Variants in SERF2 observed in about 807,000 individuals in gnomAD.
SERF2 encodes the protein small EDRK-rich factor 2.
In SERF2, 4 loss-of-function variants were observed where a neutral mutation model predicts 10.7. The observed-to-expected ratio is 0.37, with a 90% CI of 0.18 to 0.86. The LOEUF is 0.86. SERF2 is among the 40% of genes least tolerant of loss of function. The pLI is 0.43. For missense variants in SERF2, 47 were observed against 79.1 expected, an observed-to-expected ratio of 0.59 and a Z score of 1.54; for synonymous variants, 26 against 26.0, an observed-to-expected ratio of 1.00 and a Z score of 0.01.
At chr15:43,792,623 G>T in intron 1 of SERF2, 1 of 1,427,982 alleles carries the variant, frequency 7.0e-7, no homozygotes, top group East Asian at 2.5e-5. Context: ...TAAGGAGAAG[G>T]CCAGCGCCCC....
intron 1 of SERF2, 136 bp downstream of exon 1, chr15:43,792,519 A>C: frequency 1.3e-6 from 2 of 1,539,564 alleles, no homozygotes; most frequent in Non-Finnish European, 1.8e-6. Context: ...CCACCCTCAC[A>C]CTCGGTGCCC....
Position 43,796,073 on chromosome 15 carries a change from C to T in SERF2, c.*2300C>T, listed in dbSNP as rs1244027935. 9.9e-7 allele frequency: 1 copy of T among 1,011,406 alleles called. No homozygotes were observed. Among genetic ancestry groups the T allele is most frequent in the East Asian group, 2.4e-5 (1 of 42,170 alleles). 62.7% of individuals were successfully genotyped at this position (1,011,406 alleles called of 1,614,324 possible). On this transcript the variant is annotated 3_prime_UTR_variant, in exon 3 of 3. Transcript: ENST00000249786. ...TAACAGCAGCTATAATCTGAGCATT[C>T]TGGGTAGAGGTTGGTAGGATGTGTG... is the stretch of plus-strand genomic sequence containing the variant.
At chr15:43,788,808 G>A (rs2087028588), upstream of SERF2, among the ~76,000 whole-genome samples, 1 of 152,138 alleles carries the variant, frequency 6.6e-6, no homozygotes, top group Non-Finnish European at 1.5e-5. Flanking sequence ...AAATCAGTAG[G>A]AGGGGGATAA....
chr15:43,785,704 C>CTTT (rs71415810), intron 2 of SERF2, among the ~76,000 whole-genome samples: 18 of 122,676 alleles, frequency 1.5e-4, no homozygotes, highest in African/African-American at 2.2e-4. Flanking sequence ...TTTTCTTTTT[C>CTTT]TTTTTTTTTT....
At position 43,794,993 on chromosome 15, in the gene SERF2, A is replaced by G. The variant is rs1389853821; in HGVS notation, c.*1220A>G. On this transcript the variant is annotated 3_prime_UTR_variant, in exon 3 of 3. Transcript: ENST00000249786. The stretch of plus-strand genomic sequence containing the variant: ...ATGTCAGGGGAACCCCAGTTTGTGA[A>G]AAGGACTTAGACTGGAGGATATTTG... 1 of 1,601,432 alleles carries G rather than the reference A, an allele frequency of 6.2e-7. No individual in the cohort carries two copies. Among genetic ancestry groups the G allele is most frequent in the South Asian group, 1.1e-5 (1 of 90,490 alleles).
intron 1 of SERF2, among the ~76,000 whole-genome samples, chr15:43,783,503 T>C (rs898414579): frequency 6.6e-6 from 1 of 150,928 alleles, no homozygotes; most frequent in African/African-American, 2.4e-5. Flanking sequence ...GGCTTCATTA[T>C]GTTGGCTAGG....
chr15:43,789,845 T>TA (rs903339962), upstream of SERF2, among the ~76,000 whole-genome samples: 15 of 149,936 alleles, frequency 1.0e-4, no homozygotes, highest in Middle Eastern at 3.4e-3. Flanking sequence ...CTGTCTCTAC[T>TA]AAAAAAAAAT....
intron 2 of SERF2, 91 bp downstream of exon 2, chr15:43,793,174 T>A: frequency 1.3e-6 from 1 of 783,936 alleles, no homozygotes; most frequent in Non-Finnish European, 2.2e-6. Context: ...AGGGCTTGAA[T>A]GTGGACTAGT....
upstream of SERF2, among the ~76,000 whole-genome samples, chr15:43,789,839 C>T (rs375791397): frequency 7.2e-5 from 11 of 151,830 alleles, no homozygotes; most frequent in East Asian, 1.4e-3. Flanking sequence ...GAAACCCTGT[C>T]TCTACTAAAA....
chr15:43,792,373 C>A lies in SERF2; in HGVS notation c.-4C>A, dbSNP rs779386216. On this transcript the variant is annotated 5_prime_UTR_variant, in exon 1 of 3. Coordinates refer to ENST00000249786, the MANE Select transcript of SERF2 (RefSeq NM_001018108.4). ...GGAGGCAGGTTGGAGCCGCTGCCGT[C>A]GCCATGACCCGTGAGCACCGAGCCC... is the stretch of plus-strand genomic sequence containing the variant. 6.2e-7 allele frequency: 1 copy of A among 1,612,560 alleles called. No homozygotes were observed. Among genetic ancestry groups the A allele is most frequent in the Non-Finnish European group, 8.5e-7 (1 of 1,178,580 alleles).
At chr15:43,781,528 C>G (rs2086964001) in intron 1 of SERF2, among the ~76,000 whole-genome samples, 1 of 146,980 alleles carries the variant, frequency 6.8e-6, no homozygotes, top group African/African-American at 2.6e-5. Context: ...GTCTCAAAAA[C>G]AAACAAAACA....
intron 1 of SERF2, among the ~76,000 whole-genome samples, chr15:43,782,995 C>A (rs1240684453): frequency 2.5e-4 from 37 of 146,846 alleles, no homozygotes; most frequent in African/African-American, 9.5e-4. Flanking sequence ...CAGGCACGCA[C>A]CACCACACCT....
intron 2 of SERF2, among the ~76,000 whole-genome samples, chr15:43,785,904 C>G (rs2087002795): frequency 6.6e-6 from 1 of 151,518 alleles, no homozygotes; most frequent in East Asian, 2.0e-4. Flanking sequence ...CTGGGTTTCA[C>G]CATGTTGGCC....
rs2087170231 is a variant in SERF2, at chr15:43,795,010, G to A, written c.*1237G>A. The A allele has an allele frequency of 1.2e-6, 2 of 1,610,840 alleles. No individual in the cohort carries two copies. The highest frequency in any genetic ancestry group is 2.7e-5 in the African/African-American group (2 of 74,926). ...GTTTGTGAAAAGGACTTAGACTGGA[G>A]GATATTTGTTATCTGGGGATATGAT... On this transcript the variant is annotated 3_prime_UTR_variant, in exon 3 of 3. Transcript: ENST00000249786.
At position 43,796,014 on chromosome 15, in the gene SERF2, G is replaced by T; in HGVS notation, c.*2241G>T. On this transcript the variant is annotated 3_prime_UTR_variant, in exon 3 of 3. Transcript: ENST00000249786. Reference sequence around the variant, plus strand: ...AGATTATGTAAAAGTATCTAGCACAGTTGCCTAGCACATTGTGGGTACTCA... The same window carrying T: ...AGATTATGTAAAAGTATCTAGCACATTTGCCTAGCACATTGTGGGTACTCA... 1 of 710,900 alleles carries T rather than the reference G, an allele frequency of 1.4e-6. No homozygotes were observed. The highest frequency in any genetic ancestry group is 2.5e-6 in the Non-Finnish European group (1 of 401,822). The allele number at this position is 710,900 out of a possible 1,614,324, so 44.0% of individuals were successfully genotyped here. A position where few individuals can be genotyped will look rare whatever the true frequency, so the allele number is the denominator to read the frequency against.
At chr15:43,778,962 T>C (rs1425427379) in intron 1 of SERF2, among the ~76,000 whole-genome samples, 3 of 151,976 alleles carry the variant, frequency 2.0e-5, no homozygotes, top group South Asian at 2.1e-4. Flanking sequence ...GTGGAGGAAA[T>C]AGGATCAAGA....
At chr15:43,780,052 A>C (rs1007456514) in intron 1 of SERF2, among the ~76,000 whole-genome samples, 3 of 152,208 alleles carry the variant, frequency 2.0e-5, no homozygotes, top group African/African-American at 7.2e-5. Context: ...TACATCATAA[A>C]CATTTTAATA....
At chr15:43,778,000 G>C (rs1037178354) in intron 1 of SERF2, 10 of 136,440 alleles carry the variant, frequency 7.3e-5, no homozygotes, top group African/African-American at 2.5e-4. Flanking sequence ...GTCTTGCTCT[G>C]TCGCCCAGGC....
chr15:43,782,142 G>A (rs1476220744), intron 1 of SERF2, among the ~76,000 whole-genome samples: 1 of 152,048 alleles, frequency 6.6e-6, no homozygotes, highest in Non-Finnish European at 1.5e-5. Context: ...GCCCGCCTTG[G>A]CCTCCCATAG....
Sources: gnomAD v4.1 joint callset for allele counts (sites outside exome capture counted in the v4.1 genomes callset) on GRCh38, gnomAD v4.1.1 for gene constraint, MANE v1.5 for transcripts, NCBI Gene and HGNC (gene_info 2026-07-23, HGNC 2026-07-21) for gene names.